The following MARCHF1 variants were observed in gnomAD, a reference collection of about 807,000 sequenced individuals.
The protein encoded by MARCHF1 is E3 ubiquitin-protein ligase MARCHF1.
MARCHF1 carries 40 observed loss-of-function variants against 54.2 expected under a neutral mutation model. The ratio of observed to expected loss-of-function variants is 0.74; its 90% CI spans 0.57 to 0.96. The LOEUF (loss-of-function observed/expected upper bound fraction) is 0.96. MARCHF1 is among the 40% of genes least tolerant of loss of function. The probability of loss-of-function intolerance (pLI) is 0.00; values close to 1 mark genes in which losing one functional copy is unlikely to be tolerated. For synonymous variants in MARCHF1, 236 were observed against 236.3 expected, an observed-to-expected ratio of 1.00 and a Z score of 0.01; for missense variants, 586 against 656.5, an observed-to-expected ratio of 0.89 and a Z score of 1.17.
At chr4:163,763,459 G>A (rs537484196) in intron 4 of MARCHF1, among the ~76,000 whole-genome samples, 1 of 152,038 alleles carries the variant, frequency 6.6e-6, no homozygotes, top group African/African-American at 2.4e-5. Context: ...AAAACTTCTT[G>A]AAATCTCATG....
At chr4:163,542,026 C>T (rs935533002) in intron 9 of MARCHF1, among the ~76,000 whole-genome samples, 1 of 152,234 alleles carries the variant, frequency 6.6e-6, no homozygotes, top group Non-Finnish European at 1.5e-5. Flanking sequence ...AGCGGCTCTA[C>T]AGGAATTACC....
At chr4:164,049,982 A>T (rs554449827) in intron 2 of MARCHF1, among the ~76,000 whole-genome samples, 13 of 152,296 alleles carry the variant, frequency 8.5e-5, no homozygotes, top group African/African-American at 3.1e-4. Flanking sequence ...GATATAAAAA[A>T]TGAAGGCCTA....
chr4:164,185,676 T>A (rs1254393577), intron 1 of MARCHF1, among the ~76,000 whole-genome samples: 1 of 152,132 alleles, frequency 6.6e-6, no homozygotes, highest in African/African-American at 2.4e-5. Flanking sequence ...GTAGACTTTT[T>A]TTCCCATTGA....
chr4:164,287,179 C>G (rs1734172811), intron 1 of MARCHF1, among the ~76,000 whole-genome samples: 1 of 149,636 alleles, frequency 6.7e-6, no homozygotes, highest in Non-Finnish European at 1.5e-5. Context: ...TAAATGAAGT[C>G]TGAATTAAAG....
chr4:164,109,931 A>AAAAAAAAAAAAAAAATAAAAT (rs1755798433), intron 2 of MARCHF1, among the ~76,000 whole-genome samples: 1 of 149,870 alleles, frequency 6.7e-6, no homozygotes, highest in Non-Finnish European at 1.5e-5. Context: ...AAAAAAAAAA[A>AAAAAAAAAAAAAAAATAAAAT]AAAAAGAAAA....
chr4:163,994,615 T>C (rs1377944576), intron 2 of MARCHF1, among the ~76,000 whole-genome samples: 2 of 151,964 alleles, frequency 1.3e-5, no homozygotes, highest in Non-Finnish European at 2.9e-5. Flanking sequence ...TTTCCTCTTA[T>C]AAGTGTCAAA....
chr4:164,008,260 G>A (rs1753340082), intron 2 of MARCHF1, among the ~76,000 whole-genome samples: 1 of 152,012 alleles, frequency 6.6e-6, no homozygotes, highest in African/African-American at 2.4e-5. Flanking sequence ...AATCATAAAA[G>A]GGTTAGTTCA....
intron 1 of MARCHF1, among the ~76,000 whole-genome samples, chr4:164,161,485 T>G (rs555250805): frequency 1.2e-4 from 19 of 152,188 alleles, no homozygotes; most frequent in African/African-American, 4.6e-4. Context: ...TGGATACAAT[T>G]TAGGAAAGCA....
intron 1 of MARCHF1, chr4:164,196,966 T>C: frequency 6.2e-7 from 1 of 1,601,094 alleles, no homozygotes; most frequent in East Asian, 2.2e-5. Context: ...CAAAATAGGT[T>C]ATTCTACTTA....
At position 164,195,962 on chromosome 4, in the gene MARCHF1, A is replaced by C. The variant is rs528573902; in HGVS notation, c.-322-84300T>G. Among the ~76,000 whole-genome samples, 193 of 151,356 alleles carry C rather than the reference A, an allele frequency of 1.3e-3. 2 individuals carry two copies. Among genetic ancestry groups the C allele is most frequent in the African/African-American group, 4.5e-3 (183 of 40,670 alleles). On this transcript the variant is annotated intron_variant, in intron 1 of 9. Transcript: ENST00000514618. ...CTCCAATTCTATGCTAAAAACAAAA[A>C]TTAATGCAGAAAAATCAACATAAAT...
At chr4:163,926,431 T>C (rs560925820) in intron 3 of MARCHF1, among the ~76,000 whole-genome samples, 5 of 151,768 alleles carry the variant, frequency 3.3e-5, no homozygotes, top group African/African-American at 9.6e-5. Context: ...ACATGACTAA[T>C]ATTGCTGCTA....
intron 5 of MARCHF1, among the ~76,000 whole-genome samples, chr4:163,662,608 A>G (rs996250791): frequency 1.3e-5 from 2 of 151,960 alleles, no homozygotes. Flanking sequence ...TCTGTCTCTG[A>G]TAGAAATTTT....
At chr4:163,942,769 G>A (rs1301585777) in intron 3 of MARCHF1, among the ~76,000 whole-genome samples, 1 of 151,576 alleles carries the variant, frequency 6.6e-6, no homozygotes, top group Admixed American at 6.6e-5. Context: ...TTTTAGGACA[G>A]TTCTGTTGGA....
At chr4:163,882,632 C>T (rs1251852860) in intron 3 of MARCHF1, among the ~76,000 whole-genome samples, 1 of 152,036 alleles carries the variant, frequency 6.6e-6, no homozygotes, top group Non-Finnish European at 1.5e-5. Context: ...TTTTCTTTTT[C>T]CTCTCACTTT....
intron 1 of MARCHF1, among the ~76,000 whole-genome samples, chr4:164,136,182 G>C (rs1756397913): frequency 6.7e-6 from 1 of 148,174 alleles, no homozygotes; most frequent in Admixed American, 6.8e-5. Context: ...TCTTCTCACA[G>C]TGCACCGATT....
intron 5 of MARCHF1, among the ~76,000 whole-genome samples, chr4:163,645,906 C>A (rs1742741877): frequency 6.6e-6 from 1 of 152,078 alleles, no homozygotes; most frequent in Non-Finnish European, 1.5e-5. Flanking sequence ...CAACCCAATA[C>A]AAATTATAGA....
chr4:164,101,284 C>A (rs1203431852), intron 2 of MARCHF1, among the ~76,000 whole-genome samples: 8 of 151,592 alleles, frequency 5.3e-5, no homozygotes, highest in Non-Finnish European at 8.8e-5. Flanking sequence ...GCCTGCCTGC[C>A]TCTGTAGGCT....
chr4:164,024,247 GATACC>G (rs1166153667), intron 2 of MARCHF1, among the ~76,000 whole-genome samples: 2 of 152,022 alleles, frequency 1.3e-5, no homozygotes, highest in Non-Finnish European at 2.9e-5. Context: ...ACCCCTGCTA[GATACC>G]ATACAAGTTG....
chr4:164,018,770 A>G (rs1010191460), intron 2 of MARCHF1, among the ~76,000 whole-genome samples: 3 of 152,212 alleles, frequency 2.0e-5, no homozygotes, highest in Non-Finnish European at 4.4e-5. Context: ...TTTGCTTATC[A>G]TAATAATGCA....
Sources: allele counts gnomAD v4.1 joint callset (sites outside exome capture counted in the v4.1 genomes callset), GRCh38; gene constraint gnomAD v4.1.1; transcripts MANE v1.5; gene names NCBI Gene and HGNC (gene_info 2026-07-23, HGNC 2026-07-21).